The following GPM6A variants were observed in gnomAD, a reference collection of about 807,000 sequenced individuals.
The protein encoded by GPM6A is neuronal membrane glycoprotein M6-a.
GPM6A carries 7 observed loss-of-function variants against 32.1 expected under a neutral mutation model. The observed-to-expected ratio is 0.22, with a 90% confidence interval of 0.12 to 0.41. The LOEUF is 0.41. GPM6A is among the 10% of genes least tolerant of loss of function. The pLI is 1.00. For synonymous variants in GPM6A, 130 were observed against 123.4 expected, an observed-to-expected ratio of 1.05 and a Z score of -0.35; for missense variants, 235 against 347.2, an observed-to-expected ratio of 0.68 and a Z score of 2.57.
intron 1 of GPM6A, among the ~76,000 whole-genome samples, chr4:175,769,771 C>T (rs1265672992): frequency 6.6e-6 from 1 of 152,192 alleles, no homozygotes; most frequent in African/African-American, 2.4e-5. Flanking sequence ...GCTTTCATTC[C>T]ATTATATATT....
chr4:175,949,900 A>T (rs1739747347), intron 1 of GPM6A, among the ~76,000 whole-genome samples: 1 of 152,220 alleles, frequency 6.6e-6, no homozygotes, highest in Non-Finnish European at 1.5e-5. Flanking sequence ...GAAAATAAAC[A>T]CTGTAGCCTT....
At chr4:175,882,505 A>G (rs921994526) in intron 1 of GPM6A, among the ~76,000 whole-genome samples, 1 of 152,048 alleles carries the variant, frequency 6.6e-6, no homozygotes, top group African/African-American at 2.4e-5. Flanking sequence ...CTTCCATTAC[A>G]GCTAAGAAAA....
intron 3 of GPM6A, among the ~76,000 whole-genome samples, chr4:175,667,634 C>T (rs1742824370): frequency 6.6e-6 from 1 of 152,082 alleles, no homozygotes; most frequent in Non-Finnish European, 1.5e-5. Flanking sequence ...GTGTCAGTCA[C>T]AGGGCAGACT....
intron 4 of GPM6A, among the ~76,000 whole-genome samples, chr4:175,642,467 A>ACCC (rs1741204210): frequency 6.6e-6 from 1 of 151,640 alleles, no homozygotes; most frequent in Non-Finnish European, 1.5e-5. Flanking sequence ...TTTTGCCCTA[A>ACCC]CCCCCCTCCA....
chr4:175,910,843 C>A (rs1738291371), intron 1 of GPM6A, among the ~76,000 whole-genome samples: 1 of 152,166 alleles, frequency 6.6e-6, no homozygotes, highest in Non-Finnish European at 1.5e-5. Flanking sequence ...TCTGTAGCAA[C>A]TACTCTACTC....
intron 3 of GPM6A, among the ~76,000 whole-genome samples, chr4:175,656,147 T>C (rs568275159): frequency 6.6e-6 from 1 of 152,200 alleles, no homozygotes; most frequent in South Asian, 2.1e-4. Flanking sequence ...TATAGTAAAA[T>C]GCTGACTAAA....
chr4:175,727,380 A>G (rs1731218402), intron 1 of GPM6A, among the ~76,000 whole-genome samples: 1 of 152,222 alleles, frequency 6.6e-6, no homozygotes, highest in Admixed American at 6.5e-5. Context: ...AAAGTTGCAA[A>G]TGGAAAAAAA....
At chr4:175,787,444 C>T (rs771312975) in intron 1 of GPM6A, 159 of 1,508,484 alleles carry the variant, frequency 1.1e-4, no homozygotes, top group Non-Finnish European at 1.4e-4. Flanking sequence ...ATTTAACATT[C>T]TGTTTCGTGT....
intron 1 of GPM6A, among the ~76,000 whole-genome samples, chr4:175,790,613 A>G (rs1254286902): frequency 6.6e-6 from 1 of 152,244 alleles, no homozygotes; most frequent in Non-Finnish European, 1.5e-5. Flanking sequence ...TAAGGATACC[A>G]TATTCTCCAA....
intron 1 of GPM6A, among the ~76,000 whole-genome samples, chr4:175,968,759 C>G (rs562124838): frequency 1.6e-4 from 24 of 152,164 alleles, no homozygotes; most frequent in African/African-American, 5.1e-4. Context: ...TGGCAAAAAT[C>G]CAAAACACTG....
chr4:175,874,270 G>T (rs979928734), intron 1 of GPM6A, among the ~76,000 whole-genome samples: 6 of 152,154 alleles, frequency 3.9e-5, no homozygotes, highest in Non-Finnish European at 8.8e-5. Context: ...TAATTTGTTA[G>T]AGAAAGAAAA....
intron 1 of GPM6A, among the ~76,000 whole-genome samples, chr4:175,734,691 G>C (rs1731587623): frequency 6.6e-6 from 1 of 151,840 alleles, no homozygotes; most frequent in Admixed American, 6.6e-5. Flanking sequence ...GGCTAACACT[G>C]TGAAACCCTG....
chr4:175,877,560 G>T (rs1737123982), intron 1 of GPM6A, among the ~76,000 whole-genome samples: 1 of 152,082 alleles, frequency 6.6e-6, no homozygotes, highest in Non-Finnish European at 1.5e-5. Context: ...GAAAGGGGAA[G>T]ACCCTTATGA....
intron 1 of GPM6A, among the ~76,000 whole-genome samples, chr4:175,820,711 C>T (rs1039839015): frequency 4.6e-5 from 7 of 151,882 alleles, no homozygotes; most frequent in African/African-American, 1.7e-4. Flanking sequence ...TGTTGGCCGG[C>T]TGGTCTCAAA....
intron 2 of GPM6A, among the ~76,000 whole-genome samples, chr4:175,696,708 G>C (rs1196814289): frequency 6.6e-6 from 1 of 152,144 alleles, no homozygotes; most frequent in African/African-American, 2.4e-5. Flanking sequence ...ACCTAGTTCA[G>C]TACAGGCAGT....
chr4:175,744,158 A>G (rs564434160), intron 1 of GPM6A, among the ~76,000 whole-genome samples: 186 of 152,202 alleles, frequency 1.2e-3, no homozygotes, highest in African/African-American at 4.2e-3. Flanking sequence ...GAAATATACA[A>G]TGTTTCCTCA....
intron 2 of GPM6A, among the ~76,000 whole-genome samples, chr4:175,678,263 G>C (rs1743487748): frequency 6.6e-6 from 1 of 152,130 alleles, no homozygotes; most frequent in Non-Finnish European, 1.5e-5. Context: ...AGGGGTCATG[G>C]TGTGTGGAAA....
rs76183510 is a variant in GPM6A at position 175,666,540 on chromosome 4, C to T, written c.387+7140G>A. ...GATTTTTCCCAGTACAGTAGGCATA[C>T]GATTTCTGGTTGAAAAATAGAGGCA... On this transcript the variant is annotated intron_variant, in intron 3 of 6. Transcript: ENST00000393658. Among the ~76,000 whole-genome samples, 680 of 152,172 alleles carry T rather than the reference C, an allele frequency of 4.5e-3. 5 individuals are homozygous for T. Among genetic ancestry groups the T allele is most frequent in the Non-Finnish European group, 7.9e-3 (536 of 68,006 alleles).
chr4:175,909,325 G>C (rs1327708876), intron 1 of GPM6A, among the ~76,000 whole-genome samples: 1 of 152,106 alleles, frequency 6.6e-6, no homozygotes, highest in African/African-American at 2.4e-5. Flanking sequence ...TGGCGCATTT[G>C]GATAAGTAGT....
Sources: gnomAD v4.1 joint callset for allele counts (sites outside exome capture counted in the v4.1 genomes callset) on GRCh38, gnomAD v4.1.1 for gene constraint, MANE v1.5 for transcripts, NCBI Gene and HGNC (gene_info 2026-07-23, HGNC 2026-07-21) for gene names.